FAM53A: variants seen among roughly 807,000 people sequenced by gnomAD.
FAM53A encodes protein FAM53A.
FAM53A carries 28 observed loss-of-function variants against 26.6 expected under a neutral mutation model. That is an observed-to-expected ratio of 1.05 (90% CI 0.78 to 1.45). The LOEUF (loss-of-function observed/expected upper bound fraction) is 1.45. Among genes scored for constraint, FAM53A ranks in the 40% most tolerant of loss-of-function variants. FAM53A has a pLI of 0.00. For missense variants in FAM53A, 650 were observed against 575.8 expected (o/e 1.13, Z -1.32); for synonymous variants, 290 against 253.1 (o/e 1.15, Z -1.38).
At chr4:1,608,869 G>A in the FAM53A span, among the ~76,000 whole-genome samples, 3 of 152,148 alleles carry the variant, frequency 2.0e-5, no homozygotes, top group Non-Finnish European at 4.4e-5. Flanking sequence ...TTCATTCCTG[G>A]TGAATCCTCG....
intron 4 of FAM53A, among the ~76,000 whole-genome samples, chr4:1,653,702 C>T (rs893345434): frequency 2.0e-5 from 3 of 152,224 alleles, no homozygotes; most frequent in African/African-American, 7.2e-5. Context: ...GGGTTTTCAA[C>T]TCACCTCAAG....
chr4:1,685,107 C>A (rs1049649372), upstream of FAM53A, among the ~76,000 whole-genome samples: 1 of 152,150 alleles, frequency 6.6e-6, no homozygotes, highest in African/African-American at 2.4e-5. Context: ...TGAGATGAGC[C>A]GCCTGACCCA....
chr4:1,638,366 C>T (rs373422213), downstream of FAM53A, among the ~76,000 whole-genome samples: 45 of 152,220 alleles, frequency 3.0e-4, no homozygotes, highest in East Asian at 4.3e-3. Context: ...TCTCCCCACC[C>T]GCAGAGGACA....
rs572090698 is a variant in FAM53A at position 1,645,861 on chromosome 4, G to C, written c.883-4254C>G. On this transcript the variant is annotated intron_variant, in intron 4 of 4. Transcript: ENST00000308132. ...CATGTTCTTGATGGTCCCTGCTACA[G>C]TTTGAACGTATACCTCCAAATCTCT... Among the ~76,000 whole-genome samples, 17 of 152,340 alleles carry C rather than the reference G, an allele frequency of 1.1e-4. No homozygotes were observed. In the South Asian group the frequency reaches 3.5e-3, roughly 32 times the overall value.
chr4:1,608,887 G>C, the FAM53A span, among the ~76,000 whole-genome samples: 2 of 152,112 alleles, frequency 1.3e-5, no homozygotes, highest in Non-Finnish European at 2.9e-5. Flanking sequence ...TCGTATGCTG[G>C]GCTTACGGGA....
At chr4:1,615,406 C>G (rs73795174), downstream of FAM53A, among the ~76,000 whole-genome samples, 5 of 146,872 alleles carry the variant, frequency 3.4e-5, no homozygotes, top group Non-Finnish European at 7.4e-5. Context: ...ACATCCACCC[C>G]ACCTGGGCAC....
At chr4:1,668,166 G>A (rs1475988583) in intron 2 of FAM53A, among the ~76,000 whole-genome samples, 1 of 151,592 alleles carries the variant, frequency 6.6e-6, no homozygotes, top group African/African-American at 2.4e-5. Context: ...TTTTGAGACG[G>A]AGTCTCGCTC....
intron 1 of FAM53A, among the ~76,000 whole-genome samples, chr4:1,669,464 A>G (rs992910355): frequency 2.0e-5 from 3 of 152,222 alleles, no homozygotes; most frequent in Non-Finnish European, 4.4e-5. Flanking sequence ...TGAGCTCTCC[A>G]GCCTCAGGAG....
chr4:1,670,709 A>G (rs1714577272), intron 1 of FAM53A, among the ~76,000 whole-genome samples: 1 of 152,194 alleles, frequency 6.6e-6, no homozygotes, highest in Admixed American at 6.5e-5. Flanking sequence ...AGCCGGGCCC[A>G]CTTGTGATGC....
chr4:1,623,343 C>A lies in FAM53A; in HGVS notation c.432-5232G>T, dbSNP rs113367866. Among the ~76,000 whole-genome samples, 1,221 of 147,174 alleles carry A rather than the reference C, an allele frequency of 8.3e-3. 12 individuals are homozygous for A. Among genetic ancestry groups the A allele is most frequent in the African/African-American group, 0.028 (1,133 of 39,846 alleles). ...TGGCTCCTGCTGCCACCCCCACCCC[C>A]ACCGCAGCCCCGGGAGAGGAGGCTG... On this transcript the variant is annotated intron_variant, in intron 1 of 1. Transcript: ENST00000489029.
At chr4:1,616,445 G>A (rs1714814077), downstream of FAM53A, among the ~76,000 whole-genome samples, 1 of 152,202 alleles carries the variant, frequency 6.6e-6, no homozygotes, top group Non-Finnish European at 1.5e-5. Context: ...TTGCGCCACT[G>A]CACTCCAGCC....
In FAM53A at chr4:1,641,404, A is replaced by G; in HGVS notation, c.1086T>C (p.Asp362=). 1 of 1,611,550 alleles carries G rather than the reference A, an allele frequency of 6.2e-7. No individual in the cohort carries two copies. The highest frequency in any genetic ancestry group is 8.5e-7 in the Non-Finnish European group (1 of 1,179,160). ...GGTCCCCGCTGCTCCTGCGGGAGCC[A>G]TCACTGGTCACCGACTCCCTAGAGG... ...LWASRESVTS[D]GSRRSSGDPR... The change falls in exon 5 of 5, where the codon GAT becomes GAC. Residue 362 remains aspartate (D), a synonymous_variant. Coordinates refer to ENST00000308132, the MANE Select transcript of FAM53A (RefSeq NM_001174070.3).
chr4:1,576,777 G>C, the FAM53A span, among the ~76,000 whole-genome samples: 1 of 152,232 alleles, frequency 6.6e-6, no homozygotes, highest in Non-Finnish European at 1.5e-5. Context: ...TGGCCCCTGG[G>C]GACAGCCCCA....
chr4:1,595,937 G>C, the FAM53A span, among the ~76,000 whole-genome samples: 2 of 152,226 alleles, frequency 1.3e-5, no homozygotes, highest in Non-Finnish European at 1.5e-5. Context: ...GACCGGGTGT[G>C]ACCCCTGGTC....
Position 1,655,044 on chromosome 4 carries a change from G to C in FAM53A, c.816C>G (p.Arg272=). The C allele has an allele frequency of 1.9e-6, 3 of 1,586,088 alleles. No individual in the cohort carries two copies. Among genetic ancestry groups the C allele is most frequent in the Non-Finnish European group, 2.6e-6 (3 of 1,165,614 alleles). Residue 272 remains arginine (R), a synonymous_variant, in exon 4 of 5, where the codon CGC becomes CGG. Transcript: ENST00000308132. ...TGGCGTCCTCCTCACGCCTCCGTTTGCGCCGGCTCCTCTTCCCACTGAGCA... is the reference window on the plus strand; with the variant it reads ...TGGCGTCCTCCTCACGCCTCCGTTTCCGCCGGCTCCTCTTCCCACTGAGCA... ...PCVLSGKRSR[R]KRRREEDARW... is the part of the protein sequence containing the mutation.
chr4:1,593,747 T>C, the FAM53A span, among the ~76,000 whole-genome samples: 1 of 152,224 alleles, frequency 6.6e-6, no homozygotes, highest in Non-Finnish European at 1.5e-5. Flanking sequence ...GAGAAATTCC[T>C]GACAATTCAC....
At chr4:1,633,489 C>T (rs1715703139) in intron 1 of FAM53A, among the ~76,000 whole-genome samples, 1 of 151,950 alleles carries the variant, frequency 6.6e-6, no homozygotes, top group African/African-American at 2.4e-5. Context: ...GCAAGAGAGA[C>T]TGGAAATAAA....
chr4:1,611,938 C>T, the FAM53A span, among the ~76,000 whole-genome samples: 25 of 152,300 alleles, frequency 1.6e-4, no homozygotes, highest in Admixed American at 5.9e-4. Context: ...CATTGACCGG[C>T]GGCATTGATC....
At chr4:1,608,101 A>G in the FAM53A span, among the ~76,000 whole-genome samples, 1 of 152,088 alleles carries the variant, frequency 6.6e-6, no homozygotes, top group Non-Finnish European at 1.5e-5. Flanking sequence ...GACAGAGCAA[A>G]ACTTTGTCTC....
Sources: gnomAD v4.1 joint callset for allele counts (sites outside exome capture counted in the v4.1 genomes callset) on GRCh38, gnomAD v4.1.1 for gene constraint, MANE v1.5 for transcripts, NCBI Gene and HGNC (gene_info 2026-07-23, HGNC 2026-07-21) for gene names.